LSM14A: variants seen among roughly 807,000 people sequenced by gnomAD.
LSM14A encodes the protein protein LSM14 homolog A.
In LSM14A, 14 loss-of-function variants were observed where a neutral mutation model predicts 52.4. The ratio of observed to expected loss-of-function variants is 0.27; its 90% confidence interval spans 0.18 to 0.42. LSM14A has a LOEUF of 0.42. Among genes scored for constraint, LSM14A ranks in the 10% least tolerant of loss-of-function variants. LSM14A has a pLI of 1.00. For missense variants in LSM14A, 417 were observed against 581.8 expected, an observed-to-expected ratio of 0.72 and a Z score of 2.91; for synonymous variants, 185 against 200.3, an observed-to-expected ratio of 0.92 and a Z score of 0.64.
At chr19:34,195,980 C>T (rs926704492) in intron 2 of LSM14A, among the ~76,000 whole-genome samples, 1 of 152,152 alleles carries the variant, frequency 6.6e-6, no homozygotes, top group Admixed American at 6.5e-5. Flanking sequence ...AGAAAAGGTC[C>T]TGCCATCAGT....
chr19:34,220,406 T>C (rs906490336), intron 8 of LSM14A, among the ~76,000 whole-genome samples: 15 of 152,250 alleles, frequency 9.9e-5, no homozygotes, highest in African/African-American at 3.6e-4. Context: ...ATTTAGGTAA[T>C]GTCTAAGTAG....
intron 9 of LSM14A, among the ~76,000 whole-genome samples, chr19:34,224,071 A>G (rs1385569191): frequency 6.6e-6 from 1 of 151,550 alleles, no homozygotes; most frequent in Non-Finnish European, 1.5e-5. Context: ...GCTCACACCT[A>G]TAATCCCAGC....
At chr19:34,226,325 C>G in intron 9 of LSM14A, 5 of 1,259,914 alleles carry the variant, frequency 4.0e-6, no homozygotes, top group Non-Finnish European at 5.4e-6. Flanking sequence ...TCTCTCTCCT[C>G]TCCCCCTTTC....
intron 3 of LSM14A, among the ~76,000 whole-genome samples, chr19:34,198,244 T>G (rs2071016363): frequency 6.6e-6 from 1 of 152,198 alleles, no homozygotes; most frequent in Non-Finnish European, 1.5e-5. Flanking sequence ...TGAATATACT[T>G]TTTATACAGA....
At chr19:34,211,869 CA>C (rs1029486098) in intron 4 of LSM14A, among the ~76,000 whole-genome samples, 54 of 151,704 alleles carry the variant, frequency 3.6e-4, no homozygotes, top group Non-Finnish European at 7.4e-4. Context: ...AAAATCAATG[CA>C]AATAGAATAG....
intron 1 of LSM14A, among the ~76,000 whole-genome samples, chr19:34,178,832 A>C (rs1458397333): frequency 6.6e-6 from 1 of 152,210 alleles, no homozygotes; most frequent in Non-Finnish European, 1.5e-5. Context: ...GATGAAATCT[A>C]GTGACATAAT....
At chr19:34,178,626 T>C (rs1182537095) in intron 1 of LSM14A, among the ~76,000 whole-genome samples, 1 of 152,240 alleles carries the variant, frequency 6.6e-6, no homozygotes. Context: ...TCTGAGCTCC[T>C]GGTATGAAAG....
intron 4 of LSM14A, among the ~76,000 whole-genome samples, chr19:34,213,830 G>T (rs897842152): frequency 3.3e-5 from 5 of 152,196 alleles, no homozygotes; most frequent in African/African-American, 1.2e-4. Flanking sequence ...CACCCAGGCT[G>T]GATGCAGTGG....
chr19:34,187,861 A>G (rs1050622313), intron 1 of LSM14A, among the ~76,000 whole-genome samples: 2 of 152,084 alleles, frequency 1.3e-5, no homozygotes, highest in African/African-American at 4.8e-5. Flanking sequence ...TGATTTTGCC[A>G]AATAATTTGA....
chr19:34,203,411 C>T (rs550430923), intron 3 of LSM14A, among the ~76,000 whole-genome samples: 10 of 152,286 alleles, frequency 6.6e-5, no homozygotes, highest in African/African-American at 2.4e-4. Context: ...TTTTTAATCA[C>T]TGAGTGATGA....
In LSM14A at chr19:34,194,513, C is replaced by A; in HGVS notation, c.157C>A (p.Arg53Ser). ...SFGTEDRPTDRPIPPRDEVFE... is the reference protein window; with the variant it reads ...SFGTEDRPTDSPIPPRDEVFE... ...TGGTACAGAAGACAGACCGACAGATCGTCCAATACCACCTCGAGATGAAGT... is the reference window on the plus strand; with the variant it reads ...TGGTACAGAAGACAGACCGACAGATAGTCCAATACCACCTCGAGATGAAGT... The change falls in exon 2 of 10, where the codon CGT (arginine) becomes AGT (serine). Residue 53 changes from arginine to serine, a missense_variant. Physicochemically the swap from Arg to Ser is moderately radical, Grantham distance 110. Transcript: ENST00000544216. The A allele has an allele frequency of 6.2e-7, 1 of 1,614,060 alleles. No individual in the cohort carries two copies. The highest frequency in any genetic ancestry group is 1.3e-5 in the African/African-American group (1 of 75,028).
In LSM14A at chr19:34,200,793, G is replaced by A. The variant is rs111308124; in HGVS notation, c.415+4030G>A. 1.1e-3 allele frequency among the ~76,000 whole-genome samples: 171 copies of A among 152,182 alleles called. 3 individuals are homozygous for A. The South Asian group carries it at 0.013, about 11-fold the overall frequency. On this transcript the variant is annotated intron_variant, in intron 3 of 9. Coordinates refer to ENST00000544216, the MANE Select transcript of LSM14A (RefSeq NM_015578.4). ...TATTCATGTTAAATCAAGATATACT[G>A]TATGTTAACTGTAACTTAGAATCCT...
chr19:34,207,229 A>G (rs2071768929), intron 3 of LSM14A, among the ~76,000 whole-genome samples: 1 of 152,198 alleles, frequency 6.6e-6, no homozygotes, highest in Non-Finnish European at 1.5e-5. Flanking sequence ...TGAATGCGTA[A>G]TCCAGAGGAC....
chr19:34,210,595 C>G (rs556720798), intron 4 of LSM14A, among the ~76,000 whole-genome samples: 5 of 151,106 alleles, frequency 3.3e-5, no homozygotes, highest in Non-Finnish European at 7.4e-5. Flanking sequence ...TTTAAACATT[C>G]TAAAGATTGT....
At chr19:34,222,235 T>G (rs1479919097) in intron 9 of LSM14A, among the ~76,000 whole-genome samples, 1 of 152,218 alleles carries the variant, frequency 6.6e-6, no homozygotes, top group Admixed American at 6.5e-5. Flanking sequence ...GTGCTGGGTG[T>G]TGAGCCCAGC....
At chr19:34,183,643 T>C (rs964237574) in intron 1 of LSM14A, among the ~76,000 whole-genome samples, 1 of 151,758 alleles carries the variant, frequency 6.6e-6, no homozygotes, top group Non-Finnish European at 1.5e-5. Context: ...GAAAAGCAAA[T>C]AGATGAGTTT....
chr19:34,192,310 CTTTTTGTTGTTT>C (rs2070439572), intron 1 of LSM14A, among the ~76,000 whole-genome samples: 2 of 51,658 alleles, frequency 3.9e-5, no homozygotes, highest in African/African-American at 1.4e-4. Context: ...AAATAACATT[CTTTTTGTTGTTT>C]TTTTTTTTTT....
At chr19:34,214,719 A>G (rs563256848) in intron 4 of LSM14A, among the ~76,000 whole-genome samples, 24 of 152,314 alleles carry the variant, frequency 1.6e-4, no homozygotes, top group Admixed American at 1.2e-3. Flanking sequence ...ACAAGTCACC[A>G]TAGTCTTATG....
intron 9 of LSM14A, 148 bp from the exon 10 acceptor site, chr19:34,227,217 T>C (rs982009972): frequency 4.6e-6 from 3 of 647,414 alleles, no homozygotes; most frequent in African/African-American, 3.7e-5. Context: ...AGAAGGAGTT[T>C]CGTGGAAATG....
Sources: gnomAD v4.1 joint callset for allele counts (sites outside exome capture counted in the v4.1 genomes callset) on GRCh38, gnomAD v4.1.1 for gene constraint, MANE v1.5 for transcripts, NCBI Gene and HGNC (gene_info 2026-07-23, HGNC 2026-07-21) for gene names.